Variants in DLG2 observed in about 807,000 individuals in gnomAD.
DLG2 encodes the protein discs large MAGUK scaffold protein 2.
Under a neutral mutation model 132.5 loss-of-function variants are expected in DLG2, and 45 were observed. The ratio of observed to expected loss-of-function variants is 0.34; its 90% confidence interval spans 0.27 to 0.44. DLG2 has a LOEUF of 0.44. Ranked by LOEUF, DLG2 falls within the 20% of genes least tolerant of loss-of-function variation. The probability of loss-of-function intolerance (pLI) is 1.00; values close to 1 mark genes in which losing one functional copy is unlikely to be tolerated. For synonymous variants in DLG2, 424 were observed against 419.6 expected (o/e 1.01, Z -0.13); for missense variants, 1,045 against 1,196.9 (o/e 0.87, Z 1.87).
At chr11:83,566,123 C>T (rs1222526006) in intron 19 of DLG2, among the ~76,000 whole-genome samples, 1 of 152,154 alleles carries the variant, frequency 6.6e-6, no homozygotes, top group Non-Finnish European at 1.5e-5. Flanking sequence ...GAAGGGTACA[C>T]AAGAAATGTG....
chr11:84,823,607 A>T (rs906315706), intron 6 of DLG2, among the ~76,000 whole-genome samples: 8 of 150,660 alleles, frequency 5.3e-5, no homozygotes, highest in African/African-American at 2.0e-4. Context: ...ACACACACAC[A>T]CACACACACA....
chr11:84,789,628 T>A (rs2073491354), intron 6 of DLG2, among the ~76,000 whole-genome samples: 1 of 152,218 alleles, frequency 6.6e-6, no homozygotes, highest in Non-Finnish European at 1.5e-5. Flanking sequence ...GTCACCTTGC[T>A]GTGCTATCAA....
intron 4 of DLG2, among the ~76,000 whole-genome samples, chr11:85,215,501 T>C (rs1400630): frequency 0.81 from 123,944 of 152,162 alleles, 51,326 homozygotes; most frequent in Non-Finnish European, 0.9. Context: ...TGAGAAAAAG[T>C]AGACAAAGAG....
At chr11:83,781,975 T>C (rs2094847710) in intron 18 of DLG2, among the ~76,000 whole-genome samples, 1 of 152,192 alleles carries the variant, frequency 6.6e-6, no homozygotes, top group Admixed American at 6.5e-5. Flanking sequence ...GGTGTCAAAG[T>C]TGAGTTTCAG....
chr11:84,126,267 T>C (rs929532967), intron 9 of DLG2, among the ~76,000 whole-genome samples: 5 of 152,192 alleles, frequency 3.3e-5, no homozygotes, highest in Admixed American at 2.6e-4. Context: ...CTCTTTTATG[T>C]TAGCGAAGAA....
chr11:85,001,050 C>T (rs1288356343), intron 6 of DLG2, among the ~76,000 whole-genome samples: 1 of 151,986 alleles, frequency 6.6e-6, no homozygotes, highest in Non-Finnish European at 1.5e-5. Flanking sequence ...TACAAGACAG[C>T]AAGAAGAACC....
chr11:83,823,339 G>T (rs1050670813), intron 17 of DLG2, among the ~76,000 whole-genome samples: 1 of 152,076 alleles, frequency 6.6e-6, no homozygotes, highest in Non-Finnish European at 1.5e-5. Context: ...GGAAGTCCTT[G>T]CTACCCAAAT....
At position 84,452,795 on chromosome 11, in the gene DLG2, G is replaced by A. The variant is rs181291421; in HGVS notation, c.519+81775C>T. 8.2e-3 allele frequency among the ~76,000 whole-genome samples: 1,241 copies of A among 151,674 alleles called. 5 individuals carry two copies. The highest frequency in any genetic ancestry group is 0.012 in the Non-Finnish European group (824 of 67,710). ...GGTTCTGACAACCTGGTATGGTGGTGTGCACCTGTAATTCCAGCTACTCAG... is the reference window on the plus strand; with the variant it reads ...GGTTCTGACAACCTGGTATGGTGGTATGCACCTGTAATTCCAGCTACTCAG... On this transcript the variant is annotated intron_variant, in intron 7 of 27. Coordinates refer to ENST00000376104, the MANE Select transcript of DLG2 (RefSeq NM_001142699.3).
chr11:83,471,576 A>T, intron 24 of DLG2, 50 bp downstream of exon 24: 2 of 1,363,402 alleles, frequency 1.5e-6, no homozygotes, highest in Non-Finnish European at 1.0e-6. Flanking sequence ...TCTCATAAAG[A>T]AATCCAAGCT....
At chr11:85,110,554 C>A (rs566787001) in intron 6 of DLG2, among the ~76,000 whole-genome samples, 1 of 152,238 alleles carries the variant, frequency 6.6e-6, no homozygotes, top group African/African-American at 2.4e-5. Flanking sequence ...CACATCTGGG[C>A]TCCCTCTGCA....
chr11:84,853,704 C>A (rs1349323642), intron 6 of DLG2, among the ~76,000 whole-genome samples: 1 of 151,922 alleles, frequency 6.6e-6, no homozygotes, highest in African/African-American at 2.4e-5. Flanking sequence ...CAAACAAGAC[C>A]ATTGAAAACC....
chr11:84,533,900 T>A, intron 7 of DLG2, among the ~76,000 whole-genome samples: 1 of 73,502 alleles, frequency 1.4e-5, no homozygotes. Context: ...TAGCGCCAGT[T>A]CAGCCAAAAA....
intron 6 of DLG2, among the ~76,000 whole-genome samples, chr11:84,957,763 G>C (rs2051918972): frequency 6.6e-6 from 1 of 152,222 alleles, no homozygotes; most frequent in African/African-American, 2.4e-5. Flanking sequence ...TTCAAAAAAA[G>C]AGAGCAAAGA....
chr11:85,570,513 T>C (rs1207972409), intron 3 of DLG2, among the ~76,000 whole-genome samples: 3 of 152,152 alleles, frequency 2.0e-5, no homozygotes, highest in Admixed American at 6.6e-5. Flanking sequence ...TCTTTTAAAA[T>C]TCTCTTTGGC....
At chr11:83,482,110 C>T (rs906298314) in intron 22 of DLG2, among the ~76,000 whole-genome samples, 17 of 151,984 alleles carry the variant, frequency 1.1e-4, no homozygotes, top group African/African-American at 4.1e-4. Flanking sequence ...CATATAGTAA[C>T]TCAAAAATAA....
intron 17 of DLG2, chr11:83,814,764 T>C (rs1160039337): frequency 4.5e-5 from 9 of 200,046 alleles, no homozygotes; most frequent in Non-Finnish European, 1.0e-4. Flanking sequence ...TTGTGGACAT[T>C]TTCCCCCTTG....
At chr11:83,966,995 T>G (rs986979686) in intron 12 of DLG2, among the ~76,000 whole-genome samples, 4 of 152,104 alleles carry the variant, frequency 2.6e-5, no homozygotes, top group African/African-American at 9.7e-5. Context: ...GCAATATTGT[T>G]CCTTCTGTTC....
At chr11:84,075,990 T>C (rs1186268504) in intron 10 of DLG2, among the ~76,000 whole-genome samples, 3 of 152,196 alleles carry the variant, frequency 2.0e-5, no homozygotes, top group Admixed American at 2.0e-4. Context: ...AGCCTGAGGA[T>C]GGTGGCATAA....
intron 6 of DLG2, among the ~76,000 whole-genome samples, chr11:84,806,761 C>T (rs1401994392): frequency 1.3e-5 from 2 of 152,042 alleles, no homozygotes; most frequent in Non-Finnish European, 2.9e-5. Flanking sequence ...AAGAAAAAGC[C>T]ATAGTAAACC....
Sources: gnomAD v4.1 joint callset for allele counts (sites outside exome capture counted in the v4.1 genomes callset) on GRCh38, gnomAD v4.1.1 for gene constraint, MANE v1.5 for transcripts, NCBI Gene and HGNC (gene_info 2026-07-23, HGNC 2026-07-21) for gene names.